THSD7A: variants seen among roughly 807,000 people sequenced by gnomAD.
THSD7A encodes thrombospondin type-1 domain-containing protein 7A.
A neutral mutation model predicts 231.3 loss-of-function variants in THSD7A; 96 were observed. That is an observed-to-expected ratio of 0.41 (90% CI 0.35 to 0.49). The LOEUF is 0.49. THSD7A is among the 20% of genes least tolerant of loss of function. The pLI is 0.05. For missense variants in THSD7A, 2,290 were observed against 2,070.2 expected (o/e 1.11, Z -2.06); for synonymous variants, 940 against 743.3 (o/e 1.26, Z -4.30).
intron 1 of THSD7A, among the ~76,000 whole-genome samples, chr7:11,826,940 G>C (rs1432838248): frequency 6.6e-6 from 1 of 151,752 alleles, no homozygotes; most frequent in Non-Finnish European, 1.5e-5. Flanking sequence ...TTCACACAAA[G>C]ATAAGTTAAC....
At position 11,796,178 on chromosome 7, in the gene THSD7A, T is replaced by C. The variant is rs530075927; in HGVS notation, c.190+35579A>G. Among the ~76,000 whole-genome samples, 17 of 150,690 alleles carry C rather than the reference T, an allele frequency of 1.1e-4. No homozygotes were observed. In the South Asian group the frequency reaches 3.1e-3, roughly 28 times the overall value. On this transcript the variant is annotated intron_variant, in intron 1 of 27. Coordinates refer to ENST00000423059, the MANE Select transcript of THSD7A (RefSeq NM_015204.3). ...CTCGTGTGTTCTAGGCTTTGAATCA[T>C]ATGAGTTTCATGTGTATATTGCTTT...
intron 6 of THSD7A, among the ~76,000 whole-genome samples, chr7:11,531,038 G>A (rs998856252): frequency 1.3e-5 from 2 of 152,066 alleles, no homozygotes; most frequent in African/African-American, 4.8e-5. Context: ...ATTTCAAGCA[G>A]CTGAATGATG....
At chr7:11,713,185 T>C (rs1010515838) in intron 1 of THSD7A, among the ~76,000 whole-genome samples, 7 of 151,262 alleles carry the variant, frequency 4.6e-5, no homozygotes, top group African/African-American at 1.7e-4. Flanking sequence ...AGCAGCCAGA[T>C]AAAGAGATGC....
intron 4 of THSD7A, among the ~76,000 whole-genome samples, chr7:11,574,497 C>A (rs969122440): frequency 6.6e-6 from 1 of 150,842 alleles, no homozygotes; most frequent in Non-Finnish European, 1.5e-5. Context: ...TGCAGTGGCA[C>A]GATCTCGGCT....
intron 2 of THSD7A, among the ~76,000 whole-genome samples, chr7:11,613,124 T>C (rs1198299805): frequency 6.6e-6 from 1 of 152,208 alleles, no homozygotes; most frequent in African/African-American, 2.4e-5. Flanking sequence ...GAAATAGATA[T>C]AATAAAAATT....
At chr7:11,486,794 C>T (rs996564308) in intron 6 of THSD7A, among the ~76,000 whole-genome samples, 3 of 152,096 alleles carry the variant, frequency 2.0e-5, no homozygotes, top group African/African-American at 7.2e-5. Context: ...GTTTTTCTCA[C>T]CCACAAAGGT....
intron 2 of THSD7A, among the ~76,000 whole-genome samples, chr7:11,603,875 T>G (rs1780640518): frequency 2.5e-5 from 2 of 80,428 alleles, no homozygotes; most frequent in African/African-American, 5.0e-5. Context: ...CTGGGGACTG[T>G]GGTGGGGTGG....
intron 1 of THSD7A, chr7:11,820,536 TTTC>T: frequency 1.3e-6 from 1 of 753,380 alleles, no homozygotes; most frequent in Non-Finnish European, 2.2e-6. Context: ...CTCTTACCGG[TTTC>T]TTTTTTGAAA....
intron 9 of THSD7A, among the ~76,000 whole-genome samples, chr7:11,465,901 G>A (rs577510129): frequency 3.3e-5 from 5 of 152,048 alleles, no homozygotes; most frequent in African/African-American, 4.8e-5. Context: ...TTTTTAAAAT[G>A]CCCTCTGTCA....
intron 6 of THSD7A, among the ~76,000 whole-genome samples, chr7:11,507,985 T>C (rs925853267): frequency 5.3e-5 from 8 of 152,170 alleles, no homozygotes; most frequent in African/African-American, 1.7e-4. Context: ...CTTAAAATCA[T>C]GGCAGAAGGT....
chr7:11,546,202 G>GCGCGCGCGCACACACACACACACACA (rs761841418), intron 4 of THSD7A, among the ~76,000 whole-genome samples: 5,497 of 129,026 alleles, frequency 0.043, 173 homozygotes, highest in Non-Finnish European at 0.055. Context: ...GTGGGCGCGC[G>GCGCGCGCGCACACACACACACACACA]CTCACACACA....
chr7:11,614,140 A>G (rs1488180847), intron 2 of THSD7A, among the ~76,000 whole-genome samples: 1 of 152,218 alleles, frequency 6.6e-6, no homozygotes, highest in East Asian at 1.9e-4. Flanking sequence ...TTCTTCTCAG[A>G]GCCAGAAGAT....
chr7:11,694,871 A>C (rs534288414), intron 1 of THSD7A, among the ~76,000 whole-genome samples: 1 of 151,708 alleles, frequency 6.6e-6, no homozygotes, highest in East Asian at 2.0e-4. Context: ...AATTTGGAAG[A>C]CAATTCCACA....
At chr7:11,625,055 T>C (rs918456308) in intron 2 of THSD7A, among the ~76,000 whole-genome samples, 1 of 152,098 alleles carries the variant, frequency 6.6e-6, no homozygotes, top group Admixed American at 6.6e-5. Flanking sequence ...CCACTGAAAA[T>C]AATTTCTGAG....
At chr7:11,596,384 T>C (rs1226737735) in intron 2 of THSD7A, among the ~76,000 whole-genome samples, 1 of 152,142 alleles carries the variant, frequency 6.6e-6, no homozygotes, top group Non-Finnish European at 1.5e-5. Flanking sequence ...AATGGAGTTT[T>C]AGCTCAGGTC....
intron 1 of THSD7A, among the ~76,000 whole-genome samples, chr7:11,660,450 T>G (rs1250914973): frequency 2.0e-5 from 3 of 151,478 alleles, no homozygotes; most frequent in Non-Finnish European, 4.4e-5. Context: ...CTTACATGAT[T>G]TTATGTTATG....
At chr7:11,547,344 G>T (rs1248757201) in intron 4 of THSD7A, among the ~76,000 whole-genome samples, 1 of 152,104 alleles carries the variant, frequency 6.6e-6, no homozygotes, top group African/African-American at 2.4e-5. Flanking sequence ...CCACTTAAAA[G>T]GCACAGAGTG....
chr7:11,474,140 T>C lies in THSD7A; in HGVS notation c.2252+194A>G, dbSNP rs1239433120. Among the ~76,000 whole-genome samples, 1 of 152,148 alleles carries C rather than the reference T, an allele frequency of 6.6e-6. No homozygotes were observed. Among genetic ancestry groups the C allele is most frequent in the Admixed American group, 6.5e-5 (1 of 15,274 alleles). The stretch of plus-strand genomic sequence containing the variant: ...CCAGATAGAAAGATTTCTACAGAAT[T>C]TATGGTTCCCCAGTATAAAACTCAA... On this transcript the variant is annotated intron_variant, in intron 8 of 27. Transcript: ENST00000423059. The surrounding 1 kb of genome is among the most constrained non-coding windows in gnomAD (Gnocchi z 4.1).
intron 9 of THSD7A, among the ~76,000 whole-genome samples, chr7:11,465,843 T>G (rs1390870038): frequency 6.6e-6 from 1 of 152,158 alleles, no homozygotes; most frequent in African/African-American, 2.4e-5. Context: ...AGTATTGATT[T>G]TTTAAAATTA....
Sources: allele counts gnomAD v4.1 joint callset (sites outside exome capture counted in the v4.1 genomes callset), GRCh38; gene constraint gnomAD v4.1.1; non-coding constraint Gnocchi (gnomAD v3.1); transcripts MANE v1.5; gene names NCBI Gene and HGNC (gene_info 2026-07-23, HGNC 2026-07-21).